EXT2: variants seen among roughly 807,000 people sequenced by gnomAD.
EXT2 encodes exostosin-2.
A neutral mutation model predicts 81.6 loss-of-function variants in EXT2; 53 were observed. That is an observed-to-expected ratio of 0.65 (90% CI 0.52 to 0.82). The LOEUF (loss-of-function observed/expected upper bound fraction) is 0.82, where lower values mean the gene tolerates loss of function less well. Ranked by LOEUF, EXT2 falls within the 40% of genes least tolerant of loss-of-function variation. EXT2 has a pLI of 0.00. For missense variants in EXT2, 774 were observed against 910.2 expected (o/e 0.85, Z 1.93); for synonymous variants, 320 against 340.0 (o/e 0.94, Z 0.65).
At chr11:44,126,778 A>G (rs1347060613) in intron 5 of EXT2, 38 bp from the exon 6 acceptor site, 1 of 1,613,910 alleles carries the variant, frequency 6.2e-7, no homozygotes, top group Non-Finnish European at 8.5e-7. Flanking sequence ...GATCAGCAAA[A>G]CTAGTTTGTA....
At chr11:44,096,427 C>T (rs1179697292) in intron 1 of EXT2, 45 of 1,197,122 alleles carry the variant, frequency 3.8e-5, no homozygotes, top group Non-Finnish European at 5.0e-5. Flanking sequence ...GCGTGTTAGG[C>T]CGGGGACTGG....
In EXT2 at chr11:44,247,153, C is replaced by G. The variant is rs1956101086; in HGVS notation, c.*2866C>G. Among the ~76,000 whole-genome samples, 3 of 152,132 alleles carry G rather than the reference C, an allele frequency of 2.0e-5. No individual in the cohort carries two copies. Among genetic ancestry groups the G allele is most frequent in the Admixed American group, 6.5e-5 (1 of 15,274 alleles). On this transcript the variant is annotated 3_prime_UTR_variant, in exon 14 of 14. Coordinates refer to ENST00000533608, the MANE Select transcript of EXT2 (RefSeq NM_207122.2). The stretch of plus-strand genomic sequence containing the variant: ...CAACCCTCACACATTTAGGTATAAA[C>G]CTCCTTTTCTGGGAGAATTAAAGAG...
At chr11:44,095,893 A>G (rs1953887318) in intron 1 of EXT2, 41 bp downstream of exon 1, 1 of 226,324 alleles carries the variant, frequency 4.4e-6, no homozygotes, top group Non-Finnish European at 8.6e-6. Context: ...GCGGGCGCTG[A>G]AGCGAGGGCT....
chr11:44,119,120 CTATTTATATA>C (rs1954265265), intron 4 of EXT2, among the ~76,000 whole-genome samples: 3 of 28,802 alleles, frequency 1.0e-4, no homozygotes, highest in South Asian at 2.7e-3. Context: ...GGACATTTGG[CTATTTATATA>C]TATATATATA....
At chr11:44,148,418 G>A (rs1268244428) in intron 7 of EXT2, among the ~76,000 whole-genome samples, 1 of 152,176 alleles carries the variant, frequency 6.6e-6, no homozygotes, top group African/African-American at 2.4e-5. Context: ...TGAACTTTAT[G>A]GAGCATTAGG....
intron 13 of EXT2, 126 bp from the exon 14 acceptor site, chr11:44,244,023 G>A: frequency 1.1e-6 from 1 of 889,772 alleles, no homozygotes; most frequent in Non-Finnish European, 1.9e-6. Flanking sequence ...TTTTTTTGTT[G>A]ATGTTGAACA....
chr11:44,097,789 TAAATAAA>T (rs1953922533), intron 1 of EXT2, among the ~76,000 whole-genome samples: 1 of 143,880 alleles, frequency 7.0e-6, no homozygotes, highest in African/African-American at 2.6e-5. Context: ...AATAAATAAA[TAAATAAA>T]TAAAATAAAA....
intron 7 of EXT2, among the ~76,000 whole-genome samples, chr11:44,151,339 A>G (rs891065423): frequency 2.0e-5 from 3 of 152,160 alleles, no homozygotes; most frequent in African/African-American, 7.2e-5. Context: ...AATATACAGA[A>G]TAGTTCCATT....
intron 12 of EXT2, among the ~76,000 whole-genome samples, chr11:44,234,554 T>G (rs775557154): frequency 1.3e-5 from 2 of 151,744 alleles, no homozygotes; most frequent in Non-Finnish European, 2.9e-5. Flanking sequence ...GGGTTCTAGT[T>G]CTTTTAGTTA....
intron 4 of EXT2, among the ~76,000 whole-genome samples, chr11:44,115,671 C>G (rs1321822604): frequency 1.3e-5 from 2 of 152,164 alleles, no homozygotes; most frequent in Admixed American, 6.5e-5. Flanking sequence ...GCCTGGAGAC[C>G]ATTAGAACCA....
At position 44,251,005 on chromosome 11, in the gene EXT2, C is replaced by T. The variant is rs1324812531; in HGVS notation, c.*6718C>T. Among the ~76,000 whole-genome samples the T allele has an allele frequency of 1.3e-5, 2 of 152,154 alleles. No individual in the cohort carries two copies. The highest frequency in any genetic ancestry group is 6.5e-5 in the Admixed American group (1 of 15,272). ...TCTCTAGTAGATCATTGGGGGCTCA[C>T]CTTGATCTCCTCTCTTCTGTCTACC... is the stretch of plus-strand genomic sequence containing the variant. On this transcript the variant is annotated 3_prime_UTR_variant, in exon 14 of 14. Transcript: ENST00000533608.
chr11:44,182,933 T>A (rs1955256965), intron 8 of EXT2, among the ~76,000 whole-genome samples: 1 of 152,236 alleles, frequency 6.6e-6, no homozygotes, highest in Non-Finnish European at 1.5e-5. Flanking sequence ...TCAGTCTTTC[T>A]TTTTCTTACC....
At chr11:44,119,128 A>T (rs113728089) in intron 4 of EXT2, among the ~76,000 whole-genome samples, 19,626 of 51,096 alleles carry the variant, frequency 0.38, 3,059 homozygotes, top group Non-Finnish European at 0.43. Context: ...GGCTATTTAT[A>T]TATATATATA....
intron 2 of EXT2, among the ~76,000 whole-genome samples, chr11:44,108,807 C>T (rs1954099232): frequency 6.6e-6 from 1 of 152,114 alleles, no homozygotes; most frequent in Non-Finnish European, 1.5e-5. Flanking sequence ...CAAATTATGA[C>T]ATAATTTTAT....
In EXT2 at chr11:44,244,671, A is replaced by G; in HGVS notation, c.*384A>G. The G allele has an allele frequency of 2.9e-6, 1 of 347,910 alleles. No homozygotes were observed. The highest frequency in any genetic ancestry group is 5.4e-6 in the Non-Finnish European group (1 of 185,500). The allele number at this position is 347,910 out of a possible 1,614,324, so 21.6% of individuals were successfully genotyped here. On this transcript the variant is annotated 3_prime_UTR_variant, in exon 14 of 14. Coordinates refer to ENST00000533608, the MANE Select transcript of EXT2 (RefSeq NM_207122.2). The stretch of plus-strand genomic sequence containing the variant: ...GAAGAGAAGCGTGTTAGCCCATTTG[A>G]GGTCTGGGGAATCATGTAAAGGGTA...
At position 44,171,689 on chromosome 11, in the gene EXT2, A is replaced by G. The variant is rs1173340712; in HGVS notation, c.1252A>G (p.Ile418Val). The change falls in exon 8 of 14, where the codon ATC (isoleucine) becomes GTC (valine). Residue 418 changes from isoleucine (I) to valine (V), a missense_variant. Coordinates refer to ENST00000533608, the MANE Select transcript of EXT2 (RefSeq NM_207122.2). ...CACCCTGCAGATTATCAATGACCGG[A>G]TCTATCCATATGCTGCCATCTCCTA... ...LATLQIINDRIYPYAAISYEE... is the reference protein window; with the variant it reads ...LATLQIINDRVYPYAAISYEE... 1 of 1,614,004 alleles carries G rather than the reference A, an allele frequency of 6.2e-7. No individual in the cohort carries two copies. Among genetic ancestry groups the G allele is most frequent in the Non-Finnish European group, 8.5e-7 (1 of 1,179,970 alleles).
At chr11:44,150,342 G>A (rs1006477628) in intron 7 of EXT2, among the ~76,000 whole-genome samples, 1 of 152,102 alleles carries the variant, frequency 6.6e-6, no homozygotes, top group Non-Finnish European at 1.5e-5. Context: ...CAACTGGGTG[G>A]AGACTATTTT....
chr11:44,234,979 A>C (rs1480987827), intron 12 of EXT2, among the ~76,000 whole-genome samples: 1 of 152,230 alleles, frequency 6.6e-6, no homozygotes, highest in Non-Finnish European at 1.5e-5. Flanking sequence ...AGGTGAGCTT[A>C]TGCTGGAAGC....
At chr11:44,238,884 A>G (rs7123648) in intron 13 of EXT2, among the ~76,000 whole-genome samples, 151,042 of 152,278 alleles carry the variant, frequency 0.99, 74,919 homozygotes, top group East Asian at 1. Flanking sequence ...GGACTCCAAA[A>G]GGCTTTGAAT....
Sources: allele counts gnomAD v4.1 joint callset (sites outside exome capture counted in the v4.1 genomes callset), GRCh38; gene constraint gnomAD v4.1.1; transcripts MANE v1.5; gene names NCBI Gene and HGNC (gene_info 2026-07-23, HGNC 2026-07-21).